Variants in SLC39A11 observed in about 807,000 individuals in gnomAD.
SLC39A11 encodes zinc transporter ZIP11.
SLC39A11 carries 33 observed loss-of-function variants against 36.1 expected under a neutral mutation model. The ratio of observed to expected loss-of-function variants is 0.91; its 90% CI spans 0.69 to 1.22. The LOEUF is 1.22. SLC39A11 is among the 50% of genes most tolerant of loss of function. The pLI is 0.00. For synonymous variants in SLC39A11, 166 were observed against 170.3 expected (o/e 0.97, Z 0.20); for missense variants, 432 against 430.3 (o/e 1.00, Z -0.03).
chr17:73,071,027 T>C (rs1401925818), intron 3 of SLC39A11, among the ~76,000 whole-genome samples: 2 of 152,184 alleles, frequency 1.3e-5, no homozygotes, highest in Admixed American at 6.5e-5. Context: ...TCAGAGATTC[T>C]GGGGTAGTTA....
intron 6 of SLC39A11, among the ~76,000 whole-genome samples, chr17:72,817,358 AG>A (rs2077617608): frequency 7.1e-6 from 1 of 141,692 alleles, no homozygotes; most frequent in African/African-American, 2.6e-5. Flanking sequence ...GAGGGGGAGG[AG>A]GAGGAGGAGG....
chr17:72,736,541 G>A, intron 7 of SLC39A11, 109 bp downstream of exon 7: 1 of 917,712 alleles, frequency 1.1e-6, no homozygotes, highest in Non-Finnish European at 1.8e-6. Flanking sequence ...GGTCCTGTGG[G>A]GCTGGGGTGC....
intron 6 of SLC39A11, among the ~76,000 whole-genome samples, chr17:72,795,532 C>A (rs1217174469): frequency 6.6e-6 from 1 of 152,122 alleles, no homozygotes; most frequent in Admixed American, 6.5e-5. Context: ...AGGTCGCACA[C>A]CATCACTTTT....
chr17:72,753,619 C>T (rs567734535), intron 6 of SLC39A11, among the ~76,000 whole-genome samples: 30 of 152,160 alleles, frequency 2.0e-4, no homozygotes, highest in Non-Finnish European at 3.1e-4. Flanking sequence ...GGTTGTCCTA[C>T]TTACTTCAGT....
At position 72,649,644 on chromosome 17, in the gene SLC39A11, C is replaced by CTT. The variant is rs5821920; in HGVS notation, c.672-378_672-377dup. 4.9e-3 allele frequency among the ~76,000 whole-genome samples: 682 copies of CTT among 138,156 alleles called. 4 individuals carry two copies. The highest frequency in any genetic ancestry group is 0.01 in the African/African-American group (375 of 36,426). 90.6% of individuals were successfully genotyped at this position (138,156 alleles called of 152,430 possible). On this transcript the variant is annotated intron_variant, in intron 7 of 9. Coordinates refer to ENST00000255559, the MANE Select transcript of SLC39A11 (RefSeq NM_139177.4). ...TGTTTCTTTTTCTTTTTTTCTTTTT[C>CTT]TTTTTTTTTTTTTTTGAGATGGAGT...
chr17:73,046,070 G>C (rs2059279140), intron 3 of SLC39A11, among the ~76,000 whole-genome samples: 1 of 152,158 alleles, frequency 6.6e-6, no homozygotes, highest in South Asian at 2.1e-4. Flanking sequence ...AGAAGACTCG[G>C]CAGTCTGGCT....
chr17:73,027,587 C>T (rs1019647892), intron 4 of SLC39A11, among the ~76,000 whole-genome samples: 13 of 152,218 alleles, frequency 8.5e-5, no homozygotes, highest in African/African-American at 2.7e-4. Context: ...CTGAGTAATG[C>T]CCTTTCCATG....
intron 3 of SLC39A11, among the ~76,000 whole-genome samples, chr17:73,034,790 T>G (rs1017353489): frequency 6.6e-6 from 1 of 152,118 alleles, no homozygotes; most frequent in Non-Finnish European, 1.5e-5. Context: ...CATCACTGAG[T>G]ACCAACCTTT....
intron 7 of SLC39A11, among the ~76,000 whole-genome samples, chr17:72,728,836 G>A (rs551428550): frequency 3.4e-4 from 51 of 152,128 alleles, no homozygotes; most frequent in Non-Finnish European, 4.3e-4. Flanking sequence ...CACGGCACGA[G>A]ATTAACCTAC....
chr17:72,947,890 G>A lies in SLC39A11; in HGVS notation c.307-15C>T. ...TCTGCTGCACCCTGAAACAAGAAGCGGTAACATCACTAGAGCACCACTACT... is the reference window on the plus strand; with the variant it reads ...TCTGCTGCACCCTGAAACAAGAAGCAGTAACATCACTAGAGCACCACTACT... On this transcript the variant is annotated splice_polypyrimidine_tract_variant and intron_variant, in intron 4 of 9. Coordinates refer to ENST00000255559, the MANE Select transcript of SLC39A11 (RefSeq NM_139177.4). The A allele has an allele frequency of 1.9e-6, 3 of 1,612,518 alleles. No homozygotes were observed. The highest frequency in any genetic ancestry group is 2.5e-6 in the Non-Finnish European group (3 of 1,179,990).
At chr17:72,792,626 T>G (rs1209504103) in intron 6 of SLC39A11, among the ~76,000 whole-genome samples, 4 of 152,206 alleles carry the variant, frequency 2.6e-5, no homozygotes, top group Non-Finnish European at 5.9e-5. Flanking sequence ...ATCACAGTTC[T>G]ATCCTGTCTC....
At chr17:73,066,594 CTTGGCCATTAATACACT>C (rs2060002836) in intron 3 of SLC39A11, among the ~76,000 whole-genome samples, 2 of 152,178 alleles carry the variant, frequency 1.3e-5, no homozygotes. Context: ...ATGGCCCAGG[CTTGGCCATTAATACACT>C]ACATCCCCTG....
chr17:72,854,749 C>A (rs1481327082), intron 5 of SLC39A11, among the ~76,000 whole-genome samples: 1 of 152,164 alleles, frequency 6.6e-6, no homozygotes, highest in Non-Finnish European at 1.5e-5. Flanking sequence ...AGCCTCTCAT[C>A]CTTCCCACTC....
intron 7 of SLC39A11, among the ~76,000 whole-genome samples, chr17:72,699,666 C>T (rs1168420219): frequency 2.6e-5 from 4 of 152,240 alleles, no homozygotes; most frequent in African/African-American, 4.8e-5. Context: ...GGGATAGATG[C>T]CTGCCTATCC....
chr17:72,868,608 CCT>C (rs1307744526), intron 5 of SLC39A11, among the ~76,000 whole-genome samples: 21 of 129,274 alleles, frequency 1.6e-4, no homozygotes, highest in East Asian at 4.3e-4. Context: ...ATAGTGAGCC[CCT>C]GTCTCTACAA....
chr17:72,706,123 G>A (rs1179542049), intron 7 of SLC39A11, among the ~76,000 whole-genome samples: 3 of 152,172 alleles, frequency 2.0e-5, no homozygotes, highest in East Asian at 1.9e-4. Flanking sequence ...GCTGCCTGCC[G>A]ACACCTTGGG....
chr17:72,820,759 G>A (rs533197410), intron 6 of SLC39A11, among the ~76,000 whole-genome samples: 12 of 151,124 alleles, frequency 7.9e-5, no homozygotes, highest in African/African-American at 2.7e-4. Flanking sequence ...GCTAACGGGC[G>A]GGCAGAAGCC....
chr17:72,940,290 T>TG (rs1327451472), intron 5 of SLC39A11, among the ~76,000 whole-genome samples: 1 of 151,820 alleles, frequency 6.6e-6, no homozygotes, highest in African/African-American at 2.4e-5. Context: ...TTTTTTTTTT[T>TG]TTGAGATGGA....
chr17:73,081,976 G>A (rs1391989805), intron 3 of SLC39A11, among the ~76,000 whole-genome samples: 2 of 151,494 alleles, frequency 1.3e-5, no homozygotes, highest in African/African-American at 4.8e-5. Flanking sequence ...AGGGGGGCTA[G>A]GGGTGAGCGA....
Sources: gnomAD v4.1 joint callset for allele counts (sites outside exome capture counted in the v4.1 genomes callset) on GRCh38, gnomAD v4.1.1 for gene constraint, MANE v1.5 for transcripts, NCBI Gene and HGNC (gene_info 2026-07-23, HGNC 2026-07-21) for gene names.